The following PDE3A variants were observed in gnomAD, a reference collection of about 807,000 sequenced individuals.
PDE3A encodes the protein phosphodiesterase 3A.
PDE3A carries 43 observed loss-of-function variants against 98.3 expected under a neutral mutation model. The ratio of observed to expected loss-of-function variants is 0.44; its 90% CI spans 0.34 to 0.56. The LOEUF is 0.56. PDE3A is among the 20% of genes least tolerant of loss of function. PDE3A has a pLI of 0.01. For synonymous variants in PDE3A, 663 were observed against 567.9 expected, an observed-to-expected ratio of 1.17 and a Z score of -2.38; for missense variants, 1,427 against 1,440.7, an observed-to-expected ratio of 0.99 and a Z score of 0.15.
At chr12:20,511,973 T>G (rs1565573023) in intron 1 of PDE3A, among the ~76,000 whole-genome samples, 2 of 152,058 alleles carry the variant, frequency 1.3e-5, no homozygotes, top group South Asian at 2.1e-4. Flanking sequence ...CAAACCCATT[T>G]GAGGGATATT....
At chr12:20,628,328 A>G (rs1944311861) in intron 5 of PDE3A, among the ~76,000 whole-genome samples, 1 of 152,156 alleles carries the variant, frequency 6.6e-6, no homozygotes, top group Non-Finnish European at 1.5e-5. Flanking sequence ...TGTAATGTGA[A>G]GGTTTGTCGT....
At position 20,654,224 on chromosome 12, in the gene PDE3A, T is replaced by G. The variant is rs775173086; in HGVS notation, c.3184+19T>G. ...TCTCCAAGTAAGTTCTAAAACCTAG[T>G]TCTAATGTGTTTTCCCTGGGATTGC... On this transcript the variant is annotated intron_variant, in intron 15 of 15. Transcript: ENST00000359062. 7.5e-6 allele frequency: 12 copies of G among 1,610,504 alleles called. No individual in the cohort carries two copies. In the South Asian group the frequency reaches 1.1e-4, roughly 15 times the overall value.
At chr12:20,595,962 CCTT>C (rs1477625349) in intron 2 of PDE3A, among the ~76,000 whole-genome samples, 9 of 152,182 alleles carry the variant, frequency 5.9e-5, no homozygotes, top group East Asian at 1.9e-4. Context: ...ACATCCTCCT[CCTT>C]ATTTTCAGAA....
intron 14 of PDE3A, among the ~76,000 whole-genome samples, chr12:20,653,391 G>C (rs1438296228): frequency 6.6e-6 from 1 of 150,868 alleles, no homozygotes; most frequent in Non-Finnish European, 1.5e-5. Context: ...TTTTGAGATG[G>C]AGTCTCACTC....
chr12:20,615,196 G>A (rs749771135), intron 3 of PDE3A, among the ~76,000 whole-genome samples: 92 of 151,840 alleles, frequency 6.1e-4, no homozygotes, highest in African/African-American at 1.8e-3. Context: ...GAGCCACTGC[G>A]CCTGGCCCAG....
In PDE3A at chr12:20,650,588, A is replaced by G; in HGVS notation, c.2913A>G (p.Glu971=). Residue 971 remains glutamate (E), a synonymous_variant, in exon 14 of 16, where the codon GAA becomes GAG. Transcript: ENST00000359062. The part of the protein sequence containing the change: ...HLQWTDGIVN[E]FYEQGDEEAS... ...AGTGGACAGATGGTATTGTCAATGAATTTTATGAACAGGTAACTGACCACT... is the reference window on the plus strand; with the variant it reads ...AGTGGACAGATGGTATTGTCAATGAGTTTTATGAACAGGTAACTGACCACT... The G allele has an allele frequency of 6.2e-7, 1 of 1,610,130 alleles. No homozygotes were observed. Among genetic ancestry groups the G allele is most frequent in the Non-Finnish European group, 8.5e-7 (1 of 1,176,920 alleles).
chr12:20,463,088 T>G (rs1244795341), intron 1 of PDE3A, among the ~76,000 whole-genome samples: 1 of 152,266 alleles, frequency 6.6e-6, no homozygotes, highest in East Asian at 1.9e-4. Context: ...ATACTCTTGA[T>G]TATGCCCATG....
chr12:20,421,651 C>T (rs1422611756), intron 1 of PDE3A, among the ~76,000 whole-genome samples: 1 of 150,190 alleles, frequency 6.7e-6, no homozygotes, highest in African/African-American at 2.5e-5. Context: ...GGAACAGAAT[C>T]TGTTTCTAAC....
chr12:20,426,703 A>C (rs1944606826), intron 1 of PDE3A, among the ~76,000 whole-genome samples: 1 of 152,238 alleles, frequency 6.6e-6, no homozygotes, highest in Admixed American at 6.5e-5. Context: ...GAGTAGAATC[A>C]ATATAATGAA....
At chr12:20,393,601 A>C (rs947271478) in intron 1 of PDE3A, among the ~76,000 whole-genome samples, 1 of 152,084 alleles carries the variant, frequency 6.6e-6, no homozygotes, top group African/African-American at 2.4e-5. Flanking sequence ...TCCAAACGTT[A>C]CATATACCCC....
chr12:20,616,188 A>G (rs372127526), intron 3 of PDE3A, 42 bp from the exon 4 acceptor site: 2 of 1,565,702 alleles, frequency 1.3e-6, no homozygotes, highest in African/African-American at 2.7e-5. Context: ...AATTTAAGAG[A>G]TATAAAATAT....
intron 2 of PDE3A, among the ~76,000 whole-genome samples, chr12:20,600,013 G>C (rs1841662815): frequency 6.6e-6 from 1 of 152,050 alleles, no homozygotes; most frequent in African/African-American, 2.4e-5. Flanking sequence ...CATTTCCTTG[G>C]TGCCATGGAC....
chr12:20,369,762 G>A lies in PDE3A; in HGVS notation c.478G>A (p.Ala160Thr), dbSNP rs1225099919. ...LLRAGVRLPL[A>T]VALLAACCGG... ...GCGCGCCGGGGTGCGCCTGCCTCTG[G>A]CTGTCGCGCTGCTGGCCGCCTGCTG... The change falls in exon 1 of 16, where the codon GCT becomes ACT. Residue 160 changes from alanine to threonine, a missense_variant. Ala to Thr is a moderately conservative substitution (Grantham distance 58, BLOSUM62 0). Transcript: ENST00000359062. The A allele has an allele frequency of 2.5e-6, 4 of 1,612,542 alleles. No homozygotes were observed. The Admixed American group carries it at 6.7e-5, about 27-fold the overall frequency.
intron 2 of PDE3A, among the ~76,000 whole-genome samples, chr12:20,577,298 T>G (rs552887572): frequency 6.6e-5 from 10 of 152,188 alleles, no homozygotes; most frequent in Middle Eastern, 3.4e-3. Flanking sequence ...GTCAAGAGTG[T>G]TGAAATATGA....
At chr12:20,449,343 C>G (rs1199905401) in intron 1 of PDE3A, among the ~76,000 whole-genome samples, 1 of 152,190 alleles carries the variant, frequency 6.6e-6, no homozygotes, top group Admixed American at 6.5e-5. Context: ...AGGCAAAATA[C>G]AGCAAAATAT....
intron 2 of PDE3A, among the ~76,000 whole-genome samples, chr12:20,592,894 T>C (rs1943373128): frequency 6.6e-6 from 1 of 152,172 alleles, no homozygotes; most frequent in Non-Finnish European, 1.5e-5. Context: ...TTTGTAAGAA[T>C]AGCACATTGT....
rs1591849651 is a variant in PDE3A at position 20,369,668 on chromosome 12, C to T, written c.384C>T (p.Pro128=). 6.2e-7 allele frequency: 1 copy of T among 1,607,346 alleles called. No homozygotes were observed. The highest frequency in any genetic ancestry group is 1.3e-5 in the African/African-American group (1 of 74,872). The change falls in exon 1 of 16, where the codon CCC becomes CCT. Residue 128 remains proline (P), a synonymous_variant. Transcript: ENST00000359062. The stretch of plus-strand genomic sequence containing the variant: ...CCGGGGGCGGTGCGCGGCTCAGCCC[C>T]TGGCTGCAGCCCTCGGCGCTGCTCT... The part of the protein sequence containing the change: ...GAPGGGARLS[P]WLQPSALLFS...
intron 1 of PDE3A, among the ~76,000 whole-genome samples, chr12:20,539,986 T>A (rs1322809442): frequency 2.0e-5 from 3 of 152,104 alleles, no homozygotes; most frequent in Non-Finnish European, 4.4e-5. Context: ...GAAATTGGGA[T>A]TTGATTATAA....
At chr12:20,659,174 T>G (rs1945104652) in intron 15 of PDE3A, among the ~76,000 whole-genome samples, 1 of 152,270 alleles carries the variant, frequency 6.6e-6, no homozygotes, top group Non-Finnish European at 1.5e-5. Flanking sequence ...TTTTTTTCCT[T>G]TTGACTCTGC....
Sources: gnomAD v4.1 joint callset for allele counts (sites outside exome capture counted in the v4.1 genomes callset) on GRCh38, gnomAD v4.1.1 for gene constraint, MANE v1.5 for transcripts, NCBI Gene and HGNC (gene_info 2026-07-23, HGNC 2026-07-21) for gene names.